PTPRD: variants seen among roughly 807,000 people sequenced by gnomAD.
PTPRD encodes protein tyrosine phosphatase receptor type D.
In PTPRD, 34 loss-of-function variants were observed where a neutral mutation model predicts 214.5. The ratio of observed to expected loss-of-function variants is 0.16; its 90% CI spans 0.12 to 0.21. The LOEUF (loss-of-function observed/expected upper bound fraction) is 0.21, where lower values mean the gene tolerates loss of function less well. PTPRD is among the 10% of genes least tolerant of loss of function. The pLI is 1.00. For synonymous variants in PTPRD, 1,128 were observed against 845.7 expected, an observed-to-expected ratio of 1.33 and a Z score of -5.79; for missense variants, 2,545 against 2,398.7, an observed-to-expected ratio of 1.06 and a Z score of -1.27.
chr9:9,215,139 T>C (rs770745034), intron 9 of PTPRD, among the ~76,000 whole-genome samples: 2 of 152,320 alleles, frequency 1.3e-5, no homozygotes, highest in Non-Finnish European at 2.9e-5. Context: ...CCTAGCAAAA[T>C]TGGTCCATGT....
chr9:9,241,872 T>C (rs1056981907), intron 9 of PTPRD, among the ~76,000 whole-genome samples: 1 of 152,084 alleles, frequency 6.6e-6, no homozygotes, highest in Non-Finnish European at 1.5e-5. Flanking sequence ...TATGTGTGAA[T>C]TTGATACTGT....
chr9:10,058,099 T>C (rs1394798204), intron 3 of PTPRD, among the ~76,000 whole-genome samples: 1 of 152,094 alleles, frequency 6.6e-6, no homozygotes, highest in Non-Finnish European at 1.5e-5. Flanking sequence ...AAATGTTTGA[T>C]TGTTTTGGCT....
intron 5 of PTPRD, among the ~76,000 whole-genome samples, chr9:9,903,575 T>G (rs1287440811): frequency 6.6e-6 from 1 of 152,138 alleles, no homozygotes; most frequent in Non-Finnish European, 1.5e-5. Flanking sequence ...TGCCTGAGAC[T>G]GAGAAGCAGC....
At chr9:8,979,815 A>T (rs1357548098) in intron 11 of PTPRD, among the ~76,000 whole-genome samples, 1 of 152,142 alleles carries the variant, frequency 6.6e-6, no homozygotes, top group Non-Finnish European at 1.5e-5. Context: ...CATTATGGAA[A>T]AAAGTATGAA....
intron 39 of PTPRD, among the ~76,000 whole-genome samples, chr9:8,374,661 A>G (rs1206684540): frequency 1.3e-5 from 2 of 151,972 alleles, no homozygotes; most frequent in African/African-American, 4.8e-5. Flanking sequence ...AACCCAACAT[A>G]CTGTTGTTAT....
intron 5 of PTPRD, among the ~76,000 whole-genome samples, chr9:9,810,497 T>C (rs2153539395): frequency 6.6e-6 from 1 of 152,062 alleles, no homozygotes; most frequent in South Asian, 2.1e-4. Flanking sequence ...TTATGTTAAA[T>C]CTACTCTGTC....
intron 4 of PTPRD, among the ~76,000 whole-genome samples, chr9:9,955,986 C>A (rs1007709447): frequency 2.6e-4 from 40 of 152,196 alleles, no homozygotes; most frequent in African/African-American, 8.9e-4. Flanking sequence ...GATCTAAAAT[C>A]TTACACAATA....
intron 11 of PTPRD, among the ~76,000 whole-genome samples, chr9:8,780,369 C>T (rs1221234505): frequency 7.1e-6 from 1 of 141,264 alleles, no homozygotes; most frequent in Non-Finnish European, 1.5e-5. Flanking sequence ...CTGAGCTCAA[C>T]CTGCGCTAGG....
intron 11 of PTPRD, among the ~76,000 whole-genome samples, chr9:8,999,267 T>C (rs2099408556): frequency 6.6e-6 from 1 of 151,992 alleles, no homozygotes; most frequent in African/African-American, 2.4e-5. Context: ...TGATGTGCAA[T>C]TGATGAAGCA....
At chr9:8,673,751 T>C (rs1313348432) in intron 12 of PTPRD, among the ~76,000 whole-genome samples, 1 of 152,214 alleles carries the variant, frequency 6.6e-6, no homozygotes, top group Non-Finnish European at 1.5e-5. Context: ...TATCTCTATT[T>C]GTGTATGTTC....
At chr9:8,504,831 T>A (rs1029620486) in intron 22 of PTPRD, among the ~76,000 whole-genome samples, 4 of 152,150 alleles carry the variant, frequency 2.6e-5, no homozygotes, top group African/African-American at 9.7e-5. Context: ...TCTACTCATC[T>A]CCCATGACCT....
At chr9:8,450,992 G>T (rs1312983800) in intron 33 of PTPRD, among the ~76,000 whole-genome samples, 1 of 152,174 alleles carries the variant, frequency 6.6e-6, no homozygotes, top group Non-Finnish European at 1.5e-5. Context: ...TGTTCGATGT[G>T]ACTGTGGTAC....
intron 5 of PTPRD, among the ~76,000 whole-genome samples, chr9:9,888,941 A>C (rs2072091218): frequency 6.6e-6 from 1 of 152,176 alleles, no homozygotes; most frequent in Non-Finnish European, 1.5e-5. Context: ...AGAAAAATTT[A>C]TGGTATTAGC....
intron 2 of PTPRD, among the ~76,000 whole-genome samples, chr9:10,507,255 T>A (rs1589682640): frequency 6.6e-6 from 1 of 152,170 alleles, no homozygotes; most frequent in Middle Eastern, 3.4e-3. Context: ...GTGAAGGACC[T>A]CTTCAATGAT....
intron 9 of PTPRD, among the ~76,000 whole-genome samples, chr9:9,391,935 T>G (rs949957546): frequency 2.3e-4 from 35 of 152,180 alleles, no homozygotes; most frequent in African/African-American, 8.2e-4. Flanking sequence ...GTAATCATAT[T>G]GAGTTCACTC....
At chr9:8,524,367 T>C (rs2097958349) in intron 18 of PTPRD, among the ~76,000 whole-genome samples, 1 of 152,200 alleles carries the variant, frequency 6.6e-6, no homozygotes, top group Non-Finnish European at 1.5e-5. Flanking sequence ...TACACATGTA[T>C]ATATAATACT....
chr9:9,886,142 G>A lies in PTPRD; in HGVS notation c.-368+52365C>T, dbSNP rs540565634. ...TCCGGAAAAAGAATGATGCCCAAGGGATATAGCCAAGAGACATCAGAGGAC... is the reference window on the plus strand; with the variant it reads ...TCCGGAAAAAGAATGATGCCCAAGGAATATAGCCAAGAGACATCAGAGGAC... On this transcript the variant is annotated intron_variant, in intron 5 of 45. Coordinates refer to ENST00000381196, the MANE Select transcript of PTPRD (RefSeq NM_002839.4). Among the ~76,000 whole-genome samples, 3 of 152,064 alleles carry A rather than the reference G, an allele frequency of 2.0e-5. No homozygotes were observed. The South Asian group carries it at 6.2e-4, about 32-fold the overall frequency.
At chr9:10,121,506 A>C (rs2098775140) in intron 3 of PTPRD, among the ~76,000 whole-genome samples, 1 of 152,218 alleles carries the variant, frequency 6.6e-6, no homozygotes, top group African/African-American at 2.4e-5. Flanking sequence ...AACACGAGCA[A>C]TATAACGTCA....
chr9:9,309,575 G>T (rs1187786742), intron 9 of PTPRD, among the ~76,000 whole-genome samples: 1 of 152,058 alleles, frequency 6.6e-6, no homozygotes. Context: ...TGAGGCTACA[G>T]ATTTAAAGAA....
Sources: gnomAD v4.1 joint callset for allele counts (sites outside exome capture counted in the v4.1 genomes callset) on GRCh38, gnomAD v4.1.1 for gene constraint, MANE v1.5 for transcripts, NCBI Gene and HGNC (gene_info 2026-07-23, HGNC 2026-07-21) for gene names.